OSTF1: variants seen among roughly 807,000 people sequenced by gnomAD.
The protein encoded by OSTF1 is osteoclast-stimulating factor 1.
OSTF1 carries 27 observed loss-of-function variants against 37.2 expected under a neutral mutation model. That is an observed-to-expected ratio of 0.73 (90% CI 0.54 to 1.00). The LOEUF is 1.00. OSTF1 is among the 50% of genes least tolerant of loss of function. The pLI is 0.00. For synonymous variants in OSTF1, 82 were observed against 89.2 expected, an observed-to-expected ratio of 0.92 and a Z score of 0.46; for missense variants, 232 against 253.8, an observed-to-expected ratio of 0.91 and a Z score of 0.58.
intron 1 of OSTF1, among the ~76,000 whole-genome samples, chr9:75,095,791 A>G (rs892774421): frequency 2.0e-5 from 3 of 152,170 alleles, no homozygotes; most frequent in Admixed American, 1.3e-4. Flanking sequence ...TCTGTTTCTC[A>G]GTGTTAACAG....
At chr9:75,115,853 C>G (rs56747245) in intron 1 of OSTF1, among the ~76,000 whole-genome samples, 1 of 151,892 alleles carries the variant, frequency 6.6e-6, no homozygotes, top group Non-Finnish European at 1.5e-5. Flanking sequence ...CCTGTAATCC[C>G]AGCACTTTGG....
chr9:75,128,450 T>A (rs1353254202), intron 3 of OSTF1, among the ~76,000 whole-genome samples: 4 of 72,960 alleles, frequency 5.5e-5, no homozygotes, highest in Admixed American at 1.6e-4. Context: ...ATATATATAT[T>A]TTGTCCATAT....
intron 2 of OSTF1, 56 bp downstream of exon 2, chr9:75,117,606 T>C: frequency 8.0e-7 from 1 of 1,254,760 alleles, no homozygotes; most frequent in Non-Finnish European, 1.2e-6. Flanking sequence ...GATGATTTTA[T>C]TTAGACATTT....
At chr9:75,110,705 C>T (rs188527418) in intron 1 of OSTF1, among the ~76,000 whole-genome samples, 47 of 151,742 alleles carry the variant, frequency 3.1e-4, no homozygotes, top group Non-Finnish European at 5.6e-4. Context: ...TTATAGTGAG[C>T]AGTTTCTTTC....
At chr9:75,131,674 C>T (rs1825762399) in intron 4 of OSTF1, 96 bp from the exon 5 acceptor site, 1 of 854,992 alleles carries the variant, frequency 1.2e-6, no homozygotes, top group South Asian at 1.4e-5. Flanking sequence ...TGCCCTGGTA[C>T]TCCTGAAGCT....
chr9:75,132,970 C>CAT lies in OSTF1; in HGVS notation c.251-322_251-321dup, dbSNP rs1302869634. Among the ~76,000 whole-genome samples, 11 of 83,450 alleles carry CAT rather than the reference C, an allele frequency of 1.3e-4. No homozygotes were observed. In the South Asian group the frequency reaches 4.4e-3, roughly 33 times the overall value. The allele number at this position is 83,450 out of a possible 152,430, so 54.7% of individuals were successfully genotyped here. A position where few individuals can be genotyped will look rare whatever the true frequency, so the allele number is the denominator to read the frequency against. On this transcript the variant is annotated intron_variant, in intron 5 of 9. Coordinates refer to ENST00000346234, the MANE Select transcript of OSTF1 (RefSeq NM_012383.5). ...AAAATAATATATACACATACACACA[C>CAT]ATACACACACACACACACACACACA...
chr9:75,121,353 T>C (rs1825577651), intron 2 of OSTF1, among the ~76,000 whole-genome samples: 1 of 152,198 alleles, frequency 6.6e-6, no homozygotes, highest in Non-Finnish European at 1.5e-5. Context: ...CTCCACTGCT[T>C]TTAAAAAAAT....
intron 1 of OSTF1, 84 bp downstream of exon 1, chr9:75,088,810 C>A: frequency 7.4e-7 from 1 of 1,353,572 alleles, no homozygotes. Context: ...AGGGAGGACC[C>A]GGCGCGCACC....
At chr9:75,132,764 A>G (rs993524774) in intron 5 of OSTF1, among the ~76,000 whole-genome samples, 1 of 152,222 alleles carries the variant, frequency 6.6e-6, no homozygotes, top group Admixed American at 6.5e-5. Context: ...TACTTGGGAC[A>G]TTAGCCTGAG....
intron 9 of OSTF1, among the ~76,000 whole-genome samples, chr9:75,146,371 G>A (rs1826024660): frequency 6.6e-6 from 1 of 152,260 alleles, no homozygotes; most frequent in Non-Finnish European, 1.5e-5. Context: ...TCAGTTGTCA[G>A]AGTGGAGTGC....
chr9:75,134,811 A>G (rs1220759119), intron 7 of OSTF1, among the ~76,000 whole-genome samples: 2 of 152,178 alleles, frequency 1.3e-5, no homozygotes, highest in South Asian at 2.1e-4. Flanking sequence ...TTATATTACT[A>G]TATAATATTT....
At chr9:75,133,457 C>G in intron 6 of OSTF1, 56 bp downstream of exon 6, 1 of 1,034,184 alleles carries the variant, frequency 9.7e-7, no homozygotes, top group Non-Finnish European at 1.5e-6. Flanking sequence ...GTTTCACCTA[C>G]GGGAGCCAGA....
At chr9:75,135,565 T>C (rs1303401013) in intron 7 of OSTF1, among the ~76,000 whole-genome samples, 3 of 152,216 alleles carry the variant, frequency 2.0e-5, no homozygotes, top group Non-Finnish European at 4.4e-5. Context: ...TTTTCTTAAT[T>C]TTTCCCAGAG....
rs1825350434 is a variant in OSTF1 at position 75,109,622 on chromosome 9, C to T, written c.35-7882C>T. Among the ~76,000 whole-genome samples, 5 of 152,152 alleles carry T rather than the reference C, an allele frequency of 3.3e-5. No homozygotes were observed. The South Asian group carries it at 1.0e-3, about 31-fold the overall frequency. The stretch of plus-strand genomic sequence containing the variant: ...CTTCAGTTTAAAAGTGTTGAGGTGA[C>T]TCACTGTGTTCTGGGATTAGTGAAA... On this transcript the variant is annotated intron_variant, in intron 1 of 9. Coordinates refer to ENST00000346234, the MANE Select transcript of OSTF1 (RefSeq NM_012383.5).
chr9:75,116,220 A>G (rs951149604), intron 1 of OSTF1, among the ~76,000 whole-genome samples: 2 of 152,178 alleles, frequency 1.3e-5, no homozygotes, highest in Non-Finnish European at 2.9e-5. Context: ...GATGATTTCA[A>G]GTATATGGGA....
chr9:75,107,307 C>T lies in OSTF1; in HGVS notation c.35-10197C>T, dbSNP rs79243719. Reference sequence around the variant, plus strand: ...TAGAAATAATTAATACTTTTTCTTACCCCGAGAGTAGCCAGAGATGATGAC... The same window carrying T: ...TAGAAATAATTAATACTTTTTCTTATCCCGAGAGTAGCCAGAGATGATGAC... On this transcript the variant is annotated intron_variant, in intron 1 of 9. Coordinates refer to ENST00000346234, the MANE Select transcript of OSTF1 (RefSeq NM_012383.5). Among the ~76,000 whole-genome samples the T allele has an allele frequency of 3.4e-3, 523 of 152,188 alleles. 4 individuals carry two copies. Among genetic ancestry groups the T allele is most frequent in the African/African-American group, 0.012 (490 of 41,530 alleles).
At chr9:75,131,641 T>G in intron 4 of OSTF1, 129 bp from the exon 5 acceptor site, 1 of 675,572 alleles carries the variant, frequency 1.5e-6, no homozygotes, top group Non-Finnish European at 2.7e-6. Flanking sequence ...TTATCCACAT[T>G]AAGTAAAGGA....
intron 1 of OSTF1, among the ~76,000 whole-genome samples, chr9:75,115,646 T>G (rs1429244779): frequency 1.2e-5 from 1 of 86,774 alleles, no homozygotes; most frequent in Admixed American, 1.2e-4. Context: ...CCTTTTTTTG[T>G]TTTTTTTTTG....
intron 8 of OSTF1, among the ~76,000 whole-genome samples, chr9:75,138,618 A>G (rs1825879733): frequency 6.6e-6 from 1 of 152,254 alleles, no homozygotes; most frequent in Non-Finnish European, 1.5e-5. Flanking sequence ...GCTGGGTTAA[A>G]TAAAATATAT....
Sources: gnomAD v4.1 joint callset for allele counts (sites outside exome capture counted in the v4.1 genomes callset) on GRCh38, gnomAD v4.1.1 for gene constraint, MANE v1.5 for transcripts, NCBI Gene and HGNC (gene_info 2026-07-23, HGNC 2026-07-21) for gene names.